The following ANO4 variants were observed in gnomAD, a reference collection of about 807,000 sequenced individuals.
ANO4 encodes anoctamin 4.
In ANO4, 69 loss-of-function variants were observed where a neutral mutation model predicts 141.9. The ratio of observed to expected loss-of-function variants is 0.49; its 90% CI spans 0.40 to 0.59. The LOEUF (loss-of-function observed/expected upper bound fraction) is 0.59, where lower values mean the gene tolerates loss of function less well. Ranked by LOEUF, ANO4 falls within the 20% of genes least tolerant of loss-of-function variation. The probability of loss-of-function intolerance (pLI) is 0.00; values close to 1 mark genes in which losing one functional copy is unlikely to be tolerated. For missense variants in ANO4, 894 were observed against 1,162.2 expected (o/e 0.77, Z 3.36); for synonymous variants, 350 against 394.3 (o/e 0.89, Z 1.33).
intron 18 of ANO4, among the ~76,000 whole-genome samples, chr12:101,095,784 GA>G (rs1197228297): frequency 6.6e-6 from 1 of 152,172 alleles, no homozygotes; most frequent in Admixed American, 6.5e-5. Context: ...CCTGTGAAAG[GA>G]TAAATTCATT....
chr12:100,735,859 G>C (rs985546352), intron 2 of ANO4, among the ~76,000 whole-genome samples: 1 of 152,156 alleles, frequency 6.6e-6, no homozygotes, highest in Non-Finnish European at 1.5e-5. Context: ...GAAATATGGA[G>C]AACATGTTCA....
At chr12:100,916,933 C>T (rs766230014) in intron 2 of ANO4, among the ~76,000 whole-genome samples, 2 of 148,816 alleles carry the variant, frequency 1.3e-5, no homozygotes, top group Non-Finnish European at 3.0e-5. Context: ...CAGTGAGCTG[C>T]GATTGCATCA....
At chr12:100,782,960 T>G (rs1223920321) in intron 3 of ANO4, among the ~76,000 whole-genome samples, 1 of 152,214 alleles carries the variant, frequency 6.6e-6, no homozygotes, top group Non-Finnish European at 1.5e-5. Flanking sequence ...AATCCAAAAC[T>G]CAACATAATT....
chr12:101,054,421 C>T (rs576514070), intron 14 of ANO4, among the ~76,000 whole-genome samples: 2 of 152,184 alleles, frequency 1.3e-5, no homozygotes, highest in Admixed American at 1.3e-4. Flanking sequence ...AATCCAGCAA[C>T]TTTAAGTGAA....
At chr12:100,938,235 T>A (rs1466686608) in intron 3 of ANO4, among the ~76,000 whole-genome samples, 1 of 152,236 alleles carries the variant, frequency 6.6e-6, no homozygotes, top group Non-Finnish European at 1.5e-5. Context: ...AACTCTGCTC[T>A]TTTCATTAGA....
At chr12:100,886,837 C>T (rs141702308) in intron 1 of ANO4, among the ~76,000 whole-genome samples, 7 of 152,218 alleles carry the variant, frequency 4.6e-5, no homozygotes, top group African/African-American at 1.7e-4. Flanking sequence ...ACATGCTGAC[C>T]CCTTTCTCCC....
intron 8 of ANO4, among the ~76,000 whole-genome samples, chr12:101,007,647 G>T (rs1221908300): frequency 3.3e-5 from 5 of 152,124 alleles, no homozygotes; most frequent in African/African-American, 9.7e-5. Flanking sequence ...TCAAGATGTT[G>T]TCATTCCAAC....
chr12:101,008,893 A>G (rs879555950), intron 8 of ANO4, among the ~76,000 whole-genome samples: 4 of 152,108 alleles, frequency 2.6e-5, no homozygotes, highest in Non-Finnish European at 5.9e-5. Context: ...TTCCTTTACC[A>G]AGGATATCCT....
chr12:100,860,726 T>G (rs1173493807), intron 1 of ANO4, among the ~76,000 whole-genome samples: 1 of 152,208 alleles, frequency 6.6e-6, no homozygotes, highest in Non-Finnish European at 1.5e-5. Context: ...ACAGCTTTCC[T>G]GGAACTTCTA....
intron 3 of ANO4, among the ~76,000 whole-genome samples, chr12:100,935,076 C>T (rs550750017): frequency 6.6e-6 from 1 of 152,244 alleles, no homozygotes; most frequent in Admixed American, 6.5e-5. Context: ...AATTGAATAT[C>T]CTTTATTTCT....
At position 101,111,582 on chromosome 12, in the gene ANO4, T is replaced by C; in HGVS notation, c.2322T>C (p.Leu774=). 1.9e-6 allele frequency: 3 copies of C among 1,607,792 alleles called. No individual in the cohort carries two copies. The highest frequency in any genetic ancestry group is 1.7e-5 in the Admixed American group (1 of 59,044). The change falls in exon 24 of 28, where the codon CTT becomes CTC. Residue 774 remains leucine, a synonymous_variant. Transcript: ENST00000392977. Reference sequence around the variant, plus strand: ...GAATAGGAATTTGGTATGGAATTCTTGAAGGCATTGGAATTCTCTCTGTTA... The same window carrying C: ...GAATAGGAATTTGGTATGGAATTCTCGAAGGCATTGGAATTCTCTCTGTTA... ...AKDIGIWYGI[L]EGIGILSVIT...
chr12:101,070,398 G>A (rs2048762679), intron 14 of ANO4, among the ~76,000 whole-genome samples: 1 of 152,100 alleles, frequency 6.6e-6, no homozygotes, highest in Non-Finnish European at 1.5e-5. Context: ...TGACAAAGTT[G>A]CCAAGAATAT....
At chr12:100,982,449 G>A (rs1198051865) in intron 7 of ANO4, among the ~76,000 whole-genome samples, 1 of 152,174 alleles carries the variant, frequency 6.6e-6, no homozygotes, top group African/African-American at 2.4e-5. Flanking sequence ...ATTTAGGGAT[G>A]TTTATTAGGT....
intron 2 of ANO4, among the ~76,000 whole-genome samples, chr12:100,902,945 A>G (rs566790182): frequency 6.6e-6 from 1 of 151,952 alleles, no homozygotes; most frequent in East Asian, 1.9e-4. Context: ...ACCCTTCCAC[A>G]CTGCTAGCTG....
intron 1 of ANO4, among the ~76,000 whole-genome samples, chr12:100,837,495 A>T (rs1266846549): frequency 1.3e-5 from 2 of 151,988 alleles, no homozygotes; most frequent in African/African-American, 2.4e-5. Context: ...TGCTCTCTCG[A>T]CCGGGTGCAG....
rs1384618008 is a variant in ANO4 at position 101,097,863 on chromosome 12, T to C, written c.1924T>C (p.Cys642Arg). The C allele has an allele frequency of 1.2e-6, 2 of 1,613,904 alleles. No individual in the cohort carries two copies. The highest frequency in any genetic ancestry group is 1.1e-5 in the South Asian group (1 of 91,066). Residue 642 changes from cysteine to arginine, a missense_variant, in exon 21 of 28, where the codon TGC (cysteine) becomes CGC (arginine). By Grantham distance (180) the Cys-to-Arg change is radical (BLOSUM62 -3). Around this residue, in one of 2 missense-constraint regions of ANO4, gnomAD observed 637 missense variants for 909.2 expected, o/e 0.70. Transcript: ENST00000392977. ...WRLEECHPSG[C>R]LIDLCMQMGI... ...TACCTTGCAGTGCCACCCTAGTGGA[T>C]GCCTTATTGATCTGTGTATGCAAAT...
chr12:100,984,153 A>G (rs1259475849), intron 7 of ANO4, among the ~76,000 whole-genome samples: 3 of 152,010 alleles, frequency 2.0e-5, no homozygotes, highest in Non-Finnish European at 4.4e-5. Context: ...CTGAAGTACA[A>G]TGGTGCGATC....
chr12:100,789,762 TC>T (rs1288811883), intron 3 of ANO4, among the ~76,000 whole-genome samples: 2 of 152,210 alleles, frequency 1.3e-5, no homozygotes, highest in Non-Finnish European at 2.9e-5. Flanking sequence ...AACAAGTTTG[TC>T]CTTTCTTCAA....
intron 2 of ANO4, among the ~76,000 whole-genome samples, chr12:100,911,576 T>G (rs1337183305): frequency 6.6e-6 from 1 of 152,202 alleles, no homozygotes; most frequent in Non-Finnish European, 1.5e-5. Flanking sequence ...GGACTTTTGT[T>G]TTTCATCCTC....
Sources: gnomAD v4.1 joint callset for allele counts (sites outside exome capture counted in the v4.1 genomes callset) on GRCh38, gnomAD v4.1.1 for gene constraint, gnomAD v4.1.1 regional missense constraint, MANE v1.5 for transcripts, NCBI Gene and HGNC (gene_info 2026-07-23, HGNC 2026-07-21) for gene names.